FTO: variants seen among roughly 807,000 people sequenced by gnomAD.
The protein encoded by FTO is alpha-ketoglutarate-dependent dioxygenase FTO.
FTO carries 47 observed loss-of-function variants against 63.9 expected under a neutral mutation model. The observed-to-expected ratio is 0.74, with a 90% confidence interval of 0.58 to 0.94. The LOEUF is 0.94. Ranked by LOEUF, FTO falls within the 40% of genes least tolerant of loss-of-function variation. FTO has a pLI of 0.00. For missense variants in FTO, 562 were observed against 618.1 expected, an observed-to-expected ratio of 0.91 and a Z score of 0.96; for synonymous variants, 207 against 224.4, an observed-to-expected ratio of 0.92 and a Z score of 0.69.
At chr16:54,035,396 T>C (rs1239579031) in intron 8 of FTO, among the ~76,000 whole-genome samples, 2 of 152,174 alleles carry the variant, frequency 1.3e-5, no homozygotes, top group African/African-American at 4.8e-5. Flanking sequence ...GATCCTTCAT[T>C]TGATGTCCTG....
chr16:53,840,937 A>G (rs1244499013), intron 3 of FTO, among the ~76,000 whole-genome samples: 1 of 151,632 alleles, frequency 6.6e-6, no homozygotes, highest in Non-Finnish European at 1.5e-5. Context: ...ACTCATTTAG[A>G]TTTGTTAAGG....
chr16:54,052,058 C>A (rs182328802), intron 8 of FTO, among the ~76,000 whole-genome samples: 1 of 152,132 alleles, frequency 6.6e-6, no homozygotes, highest in Admixed American at 6.5e-5. Flanking sequence ...TTATTCTCAC[C>A]GATAATAGCA....
intron 4 of FTO, among the ~76,000 whole-genome samples, chr16:53,846,055 A>T (rs2079609760): frequency 1.3e-5 from 2 of 152,082 alleles, no homozygotes; most frequent in African/African-American, 4.8e-5. Context: ...GATGGCAGAG[A>T]TTGTTCTTTT....
chr16:53,826,612 T>C, intron 3 of FTO, 121 bp downstream of exon 3: 7 of 870,522 alleles, frequency 8.0e-6, no homozygotes, highest in Non-Finnish European at 1.1e-5. Flanking sequence ...CGTGTGTACA[T>C]GCACATGCGT....
intron 2 of FTO, among the ~76,000 whole-genome samples, chr16:53,811,824 A>G (rs1272133809): frequency 2.7e-5 from 4 of 148,282 alleles, no homozygotes; most frequent in Admixed American, 1.3e-4. Flanking sequence ...CTTTTTTTTT[A>G]TTTTTTGACA....
intron 2 of FTO, among the ~76,000 whole-genome samples, chr16:53,816,720 T>C (rs181335532): frequency 7.5e-4 from 114 of 152,318 alleles, no homozygotes; most frequent in African/African-American, 2.7e-3. Flanking sequence ...AAAGTAGGCA[T>C]ACTTACCCCA....
intron 7 of FTO, among the ~76,000 whole-genome samples, chr16:53,928,862 T>G (rs1193959300): frequency 6.6e-6 from 1 of 152,112 alleles, no homozygotes; most frequent in Admixed American, 6.5e-5. Flanking sequence ...GGTTTTTTTT[T>G]GAAATGGAGT....
At chr16:53,895,267 C>T (rs182619961) in intron 7 of FTO, among the ~76,000 whole-genome samples, 2 of 152,124 alleles carry the variant, frequency 1.3e-5, no homozygotes, top group Non-Finnish European at 2.9e-5. Context: ...CCCTGAGTGT[C>T]TGTACCTTTA....
At chr16:53,839,960 ACACCCAGCT>A (rs2079425850) in intron 3 of FTO, among the ~76,000 whole-genome samples, 1 of 151,812 alleles carries the variant, frequency 6.6e-6, no homozygotes, top group Non-Finnish European at 1.5e-5. Flanking sequence ...ACGCACCACC[ACACCCAGCT>A]AATTTTTGCA....
intron 8 of FTO, among the ~76,000 whole-genome samples, chr16:53,939,767 G>A (rs1262075099): frequency 1.3e-5 from 2 of 152,172 alleles, no homozygotes; most frequent in African/African-American, 4.8e-5. Flanking sequence ...ATTGTAGGAT[G>A]CATCCATGTT....
In FTO at chr16:54,111,610, T is replaced by C. The variant is rs537535625; in HGVS notation, c.1365-152T>C. On this transcript the variant is annotated intron_variant, in intron 8 of 8. Transcript: ENST00000471389. ...GTCTTCCTTCTTATAAACACCTGCG[T>C]TCCACCTGTAGATTCATTCAGTCGT... 7 of 812,408 alleles carry C rather than the reference T, an allele frequency of 8.6e-6. No individual in the cohort carries two copies. In the East Asian group the frequency reaches 1.2e-4, roughly 14 times the overall value. 50.3% of individuals were successfully genotyped at this position (812,408 alleles called of 1,614,324 possible).
intron 2 of FTO, among the ~76,000 whole-genome samples, chr16:53,821,899 G>A (rs1263831677): frequency 1.3e-5 from 2 of 152,194 alleles, no homozygotes; most frequent in African/African-American, 4.8e-5. Context: ...GGTTGGCACA[G>A]AGTCACTACC....
At chr16:53,998,884 C>T (rs1332116247) in intron 8 of FTO, 1 of 152,138 alleles carries the variant, frequency 6.6e-6, no homozygotes, top group Non-Finnish European at 1.5e-5. Flanking sequence ...GGCATAGTCC[C>T]CATGTATGTA....
intron 1 of FTO, among the ~76,000 whole-genome samples, chr16:53,772,959 C>T (rs2077373642): frequency 6.6e-6 from 1 of 152,052 alleles, no homozygotes; most frequent in Admixed American, 6.6e-5. Flanking sequence ...TACCACCTGT[C>T]TGCTCTCTCC....
rs2086948025 is a variant in FTO at position 54,114,132 on chromosome 16, A to G, written c.*2217A>G. ...GTCTGCATTTTTCTTTAGAACTCAG[A>G]ACACCCAATAGTCCTAGGCCCCCAT... On this transcript the variant is annotated 3_prime_UTR_variant, in exon 9 of 9. Transcript: ENST00000471389. The G allele has an allele frequency of 6.6e-6, 1 of 152,190 alleles. No homozygotes were observed. The highest frequency in any genetic ancestry group is 1.5e-5 in the Non-Finnish European group (1 of 68,052). The allele number at this position is 152,190 out of a possible 1,614,324, so 9.4% of individuals were successfully genotyped here.
chr16:53,985,373 A>G (rs558874687), intron 8 of FTO, among the ~76,000 whole-genome samples: 1 of 152,326 alleles, frequency 6.6e-6, no homozygotes, highest in East Asian at 1.9e-4. Flanking sequence ...CTCATCTCAG[A>G]TACCCGCATT....
intron 1 of FTO, among the ~76,000 whole-genome samples, chr16:53,801,351 A>G (rs1281920180): frequency 2.6e-5 from 4 of 151,866 alleles, no homozygotes; most frequent in Non-Finnish European, 4.4e-5. Context: ...TTACCACAAT[A>G]TACTTTTCAT....
intron 8 of FTO, among the ~76,000 whole-genome samples, chr16:54,109,282 A>C (rs2086823490): frequency 6.6e-6 from 1 of 152,204 alleles, no homozygotes; most frequent in South Asian, 2.1e-4. Context: ...TGTCTGTCAG[A>C]GCTTGCATGC....
chr16:53,931,711 A>G (rs1025243729), intron 7 of FTO, among the ~76,000 whole-genome samples: 1 of 152,178 alleles, frequency 6.6e-6, no homozygotes, highest in African/African-American at 2.4e-5. Context: ...GCTAATGCTC[A>G]GACCTCTCTG....
Sources: gnomAD v4.1 joint callset for allele counts (sites outside exome capture counted in the v4.1 genomes callset) on GRCh38, gnomAD v4.1.1 for gene constraint, MANE v1.5 for transcripts, NCBI Gene and HGNC (gene_info 2026-07-23, HGNC 2026-07-21) for gene names.